Variants in AVIL observed in about 807,000 individuals in gnomAD.
The protein encoded by AVIL is advillin.
In AVIL, 78 loss-of-function variants were observed where a neutral mutation model predicts 109.9. The observed-to-expected ratio is 0.71, with a 90% CI of 0.59 to 0.86. AVIL has a LOEUF of 0.86. Ranked by LOEUF, AVIL falls within the 40% of genes least tolerant of loss-of-function variation. The pLI is 0.00. For synonymous variants in AVIL, 367 were observed against 379.1 expected, an observed-to-expected ratio of 0.97 and a Z score of 0.37; for missense variants, 892 against 1,016.5, an observed-to-expected ratio of 0.88 and a Z score of 1.67.
chr12:57,802,830 C>A, intron 16 of AVIL: 1 of 565,672 alleles, frequency 1.8e-6, no homozygotes. Flanking sequence ...TCAAATCTGT[C>A]ACCATCCCTC....
At chr12:57,806,924 CT>C (rs932016709) in intron 13 of AVIL, among the ~76,000 whole-genome samples, 5 of 152,146 alleles carry the variant, frequency 3.3e-5, no homozygotes, top group Non-Finnish European at 7.3e-5. Flanking sequence ...TTACGCATTG[CT>C]TGGTAGTGCT....
chr12:57,799,694 G>A, intron 19 of AVIL, 101 bp downstream of exon 19: 6 of 1,515,452 alleles, frequency 4.0e-6, no homozygotes, highest in Admixed American at 3.8e-5. Flanking sequence ...TCCATTGAGC[G>A]GCTACAATGT....
chr12:57,798,783 A>AT, intron 19 of AVIL, among the ~76,000 whole-genome samples: 1 of 151,738 alleles, frequency 6.6e-6, no homozygotes, highest in African/African-American at 2.4e-5. Context: ...CGCCTGGCTA[A>AT]TTTTTGTATT....
At position 57,800,016 on chromosome 12, in the gene AVIL, T is replaced by C. The variant is rs1431959038; in HGVS notation, c.2221-96A>G. On this transcript the variant is annotated intron_variant, in intron 18 of 19. Transcript: ENST00000549994. ...GTATAATATTTAACATTTTGACTTATGCCACTTCACCCTCTGTAATCATCT... is the reference window on the plus strand; with the variant it reads ...GTATAATATTTAACATTTTGACTTACGCCACTTCACCCTCTGTAATCATCT... 36 of 1,475,774 alleles carry C rather than the reference T, an allele frequency of 2.4e-5. 1 individual carries two copies. The Admixed American group carries it at 3.7e-4, about 15-fold the overall frequency. The allele number at this position is 1,475,774 out of a possible 1,614,324, so 91.4% of individuals were successfully genotyped here.
At chr12:57,802,120 C>G (rs1955860461) in intron 17 of AVIL, 40 bp downstream of exon 17, 1 of 1,604,434 alleles carries the variant, frequency 6.2e-7, no homozygotes, top group Non-Finnish European at 8.5e-7. Context: ...TTCTGAGCTA[C>G]CTGGCAGGAA....
Position 57,808,410 on chromosome 12 carries a change from T to C in AVIL, c.1078A>G (p.Ser360Gly), listed in dbSNP as rs1955986095. Reference protein sequence around the residue: ...DQTMGLGKTFSIGKIAKVFQD... With the variant: ...DQTMGLGKTFGIGKIAKVFQD... ...GCAGTCTCACCAATTTTACCAATGC[T>C]GAACGTTTTCCCCAGGCCCATGGTC... Residue 360 changes from serine to glycine, a missense_variant, in exon 10 of 20, where the codon AGC (serine) becomes GGC (glycine). Coordinates refer to ENST00000549994, the MANE Select transcript of AVIL (RefSeq NM_006576.4). 4.3e-6 allele frequency: 7 copies of C among 1,614,216 alleles called. No individual in the cohort carries two copies. The highest frequency in any genetic ancestry group is 5.9e-6 in the Non-Finnish European group (7 of 1,180,036).
chr12:57,798,763 CCCA>C (rs1223437929), intron 19 of AVIL, among the ~76,000 whole-genome samples: 1 of 151,684 alleles, frequency 6.6e-6, no homozygotes, highest in Non-Finnish European at 1.5e-5. Context: ...ACTACAGGCA[CCCA>C]CCACCACGCC....
At position 57,808,484 on chromosome 12, in the gene AVIL, T is replaced by C. The variant is rs957429143; in HGVS notation, c.1004A>G (p.Glu335Gly). Residue 335 changes from glutamate (E) to glycine (G), a missense_variant, in exon 10 of 20, where the codon GAG (glutamate) becomes GGG (glycine). Glu to Gly is a moderately conservative substitution (Grantham distance 98). Transcript: ENST00000549994. ...TNVETVNDGA[E>G]SAMFKQLFQK... ...GAACAGCTGCTTGAACATGGCCGAC[T>C]CAGCACCATCGTTGACGGTCTCCAC... 3.1e-6 allele frequency: 5 copies of C among 1,614,186 alleles called. No individual in the cohort carries two copies. The highest frequency in any genetic ancestry group is 3.4e-6 in the Non-Finnish European group (4 of 1,180,038).
In AVIL at chr12:57,810,463, C is replaced by A. The variant is rs776452797; in HGVS notation, c.647G>T (p.Ser216Ile). The change falls in exon 7 of 20, where the codon AGC becomes ATC. Residue 216 changes from serine (S) to isoleucine (I), a missense_variant. Physicochemically the swap from Ser to Ile is moderately radical, Grantham distance 142. Transcript: ENST00000549994. Reference protein sequence around the residue: ...GVIEGDKEAASPELMKVLQDT... With the variant: ...GVIEGDKEAAIPELMKVLQDT... ...CTGAAGGACCTTCATCAGCTCTGGG[C>A]TGGCTGCCTCCTTGTCTCCCTCGAT... The A allele has an allele frequency of 6.2e-7, 1 of 1,614,190 alleles. No homozygotes were observed. Among genetic ancestry groups the A allele is most frequent in the Non-Finnish European group, 8.5e-7 (1 of 1,180,042 alleles).
rs897306990 is a variant in AVIL, at chr12:57,802,639, A to G, written c.1963-291T>C. 6 of 673,858 alleles carry G rather than the reference A, an allele frequency of 8.9e-6. No individual in the cohort carries two copies. In the Admixed American group the frequency reaches 9.5e-5, roughly 11 times the overall value. 41.7% of individuals were successfully genotyped at this position (673,858 alleles called of 1,614,324 possible). A position where few individuals can be genotyped will look rare whatever the true frequency, so the allele number is the denominator to read the frequency against. ...CAGAACACCTCCTCTTGACTGCTCTAAGCACCTTAAAAATAACACCTTCAG... is the reference window on the plus strand; with the variant it reads ...CAGAACACCTCCTCTTGACTGCTCTGAGCACCTTAAAAATAACACCTTCAG... On this transcript the variant is annotated intron_variant, in intron 16 of 19. Transcript: ENST00000549994.
In AVIL at chr12:57,814,374, C is replaced by A. The variant is rs753005702; in HGVS notation, c.67-148G>T. On this transcript the variant is annotated intron_variant, in intron 2 of 19. Coordinates refer to ENST00000549994, the MANE Select transcript of AVIL (RefSeq NM_006576.4). ...ACCTTACAGGATGTGAGGCTGCCAG[C>A]CACAGGGTTAACGTGGCCATCCCTC... 6.6e-5 allele frequency: 51 copies of A among 771,592 alleles called. 1 individual carries two copies. The South Asian group carries it at 8.3e-4, about 13-fold the overall frequency. 47.8% of individuals were successfully genotyped at this position (771,592 alleles called of 1,614,324 possible).
At chr12:57,799,459 AT>A (rs1955801833) in intron 19 of AVIL, among the ~76,000 whole-genome samples, 1 of 152,212 alleles carries the variant, frequency 6.6e-6, no homozygotes, top group Non-Finnish European at 1.5e-5. Flanking sequence ...GCCGTGCCAT[AT>A]ATTTTAAAGA....
intron 18 of AVIL, chr12:57,800,122 TG>T (rs1955817890): frequency 1.5e-6 from 1 of 654,382 alleles, no homozygotes; most frequent in African/African-American, 1.8e-5. Context: ...GGGTTGTTCT[TG>T]GGAAAGCTGA....
intron 7 of AVIL, 74 bp from the exon 8 acceptor site, chr12:57,809,964 GT>G (rs1956013845): frequency 1.3e-6 from 2 of 1,530,218 alleles, no homozygotes; most frequent in Admixed American, 3.5e-5. Context: ...TGTTGTTCTG[GT>G]TTGGTTTTAG....
rs760323364 is a variant in AVIL at position 57,803,574 on chromosome 12, G to A, written c.1767C>T (p.Ala589=). The A allele has an allele frequency of 5.6e-6, 9 of 1,614,030 alleles. No individual in the cohort carries two copies. Among genetic ancestry groups the A allele is most frequent in the Middle Eastern group, 1.6e-4 (1 of 6,084 alleles). Residue 589 remains alanine (A), a synonymous_variant, in exon 15 of 20, where the codon GCC becomes GCT. Coordinates refer to ENST00000549994, the MANE Select transcript of AVIL (RefSeq NM_006576.4). The stretch of plus-strand genomic sequence containing the variant: ...TCCCTCCCAGTAGGTCCCAGAACTC[G>A]GCTGGCTCCTGGCCCTCGGCCACAG... ...ENTVAEGQEP[A]EFWDLLGGKT...
intron 9 of AVIL, 104 bp from the exon 10 acceptor site, chr12:57,808,652 C>G: frequency 7.4e-7 from 1 of 1,343,324 alleles, no homozygotes; most frequent in Non-Finnish European, 1.0e-6. Flanking sequence ...ATAAGCGTCT[C>G]CCCTCTGGGA....
At position 57,811,026 on chromosome 12, in the gene AVIL, G is replaced by C; in HGVS notation, c.440C>G (p.Ala147Gly). ...AGAGTGTGCAGGACTAACCTCGGTA[G>C]CCCTGATGTTTCTTTTCCCTTTCAC... Reference protein sequence around the residue: ...LHVKGKRNIRATEVEMSWDSF... With the variant: ...LHVKGKRNIRGTEVEMSWDSF... The change falls in exon 5 of 20, where the codon GCT (alanine) becomes GGT (glycine). Residue 147 changes from alanine to glycine, a missense_variant. Physicochemically the swap from Ala to Gly is moderately conservative, Grantham distance 60. Transcript: ENST00000549994. 7 of 1,614,222 alleles carry C rather than the reference G, an allele frequency of 4.3e-6. No individual in the cohort carries two copies. Among genetic ancestry groups the C allele is most frequent in the Non-Finnish European group, 5.9e-6 (7 of 1,180,032 alleles).
Position 57,808,488 on chromosome 12 carries a change from C to T in AVIL, c.1000G>A (p.Ala334Thr). 6.2e-7 allele frequency: 1 copy of T among 1,614,166 alleles called. No homozygotes were observed. The highest frequency in any genetic ancestry group is 8.5e-7 in the Non-Finnish European group (1 of 1,180,026). The change falls in exon 10 of 20, where the codon GCT (alanine) becomes ACT (threonine). Residue 334 changes from alanine (A) to threonine (T), a missense_variant. Transcript: ENST00000549994. ...STNVETVNDG[A>T]ESAMFKQLFQ... The stretch of plus-strand genomic sequence containing the variant: ...AGCTGCTTGAACATGGCCGACTCAG[C>T]ACCATCGTTGACGGTCTCCACATTG...
At chr12:57,801,097 C>G in intron 18 of AVIL, 47 bp downstream of exon 18, 10 of 1,523,070 alleles carry the variant, frequency 6.6e-6, no homozygotes, top group South Asian at 1.1e-5. Context: ...TTCTCTGGCT[C>G]TGGTTGCCCA....
Sources: allele counts gnomAD v4.1 joint callset (sites outside exome capture counted in the v4.1 genomes callset), GRCh38; gene constraint gnomAD v4.1.1; transcripts MANE v1.5; gene names NCBI Gene and HGNC (gene_info 2026-07-23, HGNC 2026-07-21).